The following SAFB variants were observed in gnomAD, a reference collection of about 807,000 sequenced individuals.
SAFB encodes scaffold attachment factor B1.
In SAFB, 15 loss-of-function variants were observed where a neutral mutation model predicts 101.6. The ratio of observed to expected loss-of-function variants is 0.15; its 90% CI spans 0.10 to 0.23. The LOEUF (loss-of-function observed/expected upper bound fraction) is 0.23. Ranked by LOEUF, SAFB falls within the 10% of genes least tolerant of loss-of-function variation. The pLI is 1.00. For synonymous variants in SAFB, 449 were observed against 407.5 expected (o/e 1.10, Z -1.23); for missense variants, 930 against 1,104.1 (o/e 0.84, Z 2.23).
intron 4 of SAFB, among the ~76,000 whole-genome samples, chr19:5,642,651 C>CTTTTT (rs767488519): frequency 0.014 from 969 of 70,864 alleles, 118 homozygotes; most frequent in Non-Finnish European, 0.017. Flanking sequence ...CCCTTCCTTT[C>CTTTTT]TTTTTTTTTT....
chr19:5,634,797 C>T lies in SAFB; in HGVS notation c.275-6797C>T, dbSNP rs186557265. ...TCCCTTGCTGGTAGTTGCAGAATAG[C>T]AAATTTTGAAATGACATAAGATTTT... On this transcript the variant is annotated intron_variant, in intron 2 of 20. Coordinates refer to ENST00000588852, the MANE Select transcript of SAFB (RefSeq NM_001201338.2). Among the ~76,000 whole-genome samples, 5 of 152,196 alleles carry T rather than the reference C, an allele frequency of 3.3e-5. No homozygotes were observed. In the East Asian group the frequency reaches 9.6e-4, roughly 29 times the overall value.
intron 2 of SAFB, among the ~76,000 whole-genome samples, chr19:5,637,155 T>C (rs913614311): frequency 5.3e-5 from 8 of 150,462 alleles, no homozygotes; most frequent in Admixed American, 4.6e-4. Flanking sequence ...CCATCCTGGC[T>C]AACACGGTGA....
At chr19:5,658,833 A>G (rs1380237190) in intron 14 of SAFB, among the ~76,000 whole-genome samples, 1 of 115,132 alleles carries the variant, frequency 8.7e-6, no homozygotes, top group Non-Finnish European at 1.7e-5. Context: ...ACAGAGCAAG[A>G]CTCCATCTCA....
At chr19:5,641,480 T>C in intron 2 of SAFB, 114 bp from the exon 3 acceptor site, 1 of 812,078 alleles carries the variant, frequency 1.2e-6, no homozygotes, top group Non-Finnish European at 2.1e-6. Flanking sequence ...TGTTCCTAAG[T>C]AGTGAGGTGT....
intron 9 of SAFB, among the ~76,000 whole-genome samples, chr19:5,652,384 G>T (rs1009013552): frequency 6.6e-6 from 1 of 152,110 alleles, no homozygotes; most frequent in African/African-American, 2.4e-5. Context: ...TGTTGCCCTG[G>T]AGACTGTAGT....
chr19:5,649,866 T>C, intron 7 of SAFB, 60 bp from the exon 8 acceptor site: 2 of 1,493,170 alleles, frequency 1.3e-6, no homozygotes, highest in East Asian at 4.5e-5. Context: ...AATTTTATGG[T>C]TTTGAGTTTG....
intron 15 of SAFB, 77 bp downstream of exon 15, chr19:5,661,885 A>AT (rs35301279): frequency 0.098 from 81,121 of 824,154 alleles, 532 homozygotes; most frequent in South Asian, 0.13. Flanking sequence ...TTAGCTTGAG[A>AT]TTTTTTTTTT....
At chr19:5,633,453 T>A (rs1599323780) in intron 2 of SAFB, among the ~76,000 whole-genome samples, 1 of 152,278 alleles carries the variant, frequency 6.6e-6, no homozygotes, top group African/African-American at 2.4e-5. Flanking sequence ...TTCTTCCAGG[T>A]GCCCTGGGCC....
At chr19:5,632,337 C>T (rs1462971534) in intron 2 of SAFB, among the ~76,000 whole-genome samples, 1 of 152,128 alleles carries the variant, frequency 6.6e-6, no homozygotes, top group African/African-American at 2.4e-5. Context: ...TTGCCTTGTC[C>T]TTTTCTCTCC....
chr19:5,639,688 G>A (rs765577740), intron 2 of SAFB, among the ~76,000 whole-genome samples: 78 of 134,238 alleles, frequency 5.8e-4, no homozygotes, highest in Non-Finnish European at 9.8e-4. Context: ...GCAAGACTCC[G>A]TCCCAAAAAA....
chr19:5,648,830 T>C lies in SAFB; in HGVS notation c.638-159T>C, dbSNP rs184824497. The C allele has an allele frequency of 1.1e-3, 653 of 576,198 alleles. 3 individuals are homozygous for C. The highest frequency in any genetic ancestry group is 1.6e-4 in the Non-Finnish European group (51 of 314,162). 35.7% of individuals were successfully genotyped at this position (576,198 alleles called of 1,614,324 possible). A position where few individuals can be genotyped will look rare whatever the true frequency, so the allele number is the denominator to read the frequency against. ...AGAGGCGGTCGCGGCGCAGGTAGTG[T>C]AACCAGTATAACTTTGTGTACCCGC... On this transcript the variant is annotated intron_variant, in intron 6 of 20. Transcript: ENST00000588852.
intron 14 of SAFB, among the ~76,000 whole-genome samples, chr19:5,660,293 T>C (rs559733447): frequency 6.6e-6 from 1 of 150,844 alleles, no homozygotes; most frequent in East Asian, 1.9e-4. Context: ...CAGTAGTTGG[T>C]ATACTGCACT....
At chr19:5,649,804 G>T (rs1216481867) in intron 7 of SAFB, 122 bp from the exon 8 acceptor site, 5 of 908,202 alleles carry the variant, frequency 5.5e-6, no homozygotes, top group Non-Finnish European at 8.8e-6. Flanking sequence ...AAGTTTGTCG[G>T]GGTATCATTT....
At chr19:5,666,832 G>C in intron 17 of SAFB, 1 of 646,360 alleles carries the variant, frequency 1.5e-6, no homozygotes, top group Middle Eastern at 4.4e-4. Flanking sequence ...CTTGGTACTA[G>C]TACCTTTTTT....
rs2054084046 is a variant in SAFB at position 5,657,264 on chromosome 19, A to G, written c.1779A>G (p.Lys593=). The stretch of plus-strand genomic sequence containing the variant: ...AGGCTTCCAAAAGCCAGGATCGCAA[A>G]TCAGCCAGCAGAGAGAAGCGGTCCG... ...KERASKSQDR[K]SASREKRSVV... The change falls in exon 14 of 21, where the codon AAA becomes AAG. Residue 593 remains lysine, a synonymous_variant. Coordinates refer to ENST00000588852, the MANE Select transcript of SAFB (RefSeq NM_001201338.2). The G allele has an allele frequency of 6.2e-7, 1 of 1,613,936 alleles. No individual in the cohort carries two copies. The highest frequency in any genetic ancestry group is 1.3e-5 in the African/African-American group (1 of 74,922).
In SAFB at chr19:5,644,896, A is replaced by T. The variant is rs145943037; in HGVS notation, c.547-441A>T. 2.0e-3 allele frequency among the ~76,000 whole-genome samples: 303 copies of T among 152,136 alleles called. 2 individuals carry two copies. The highest frequency in any genetic ancestry group is 7.0e-3 in the African/African-American group (290 of 41,514). ...TGCTGTTCCATTGAGGGAGGTACCT[A>T]CCCCAGGGGCAGCAGGTCCCACATC... On this transcript the variant is annotated intron_variant, in intron 4 of 20. Transcript: ENST00000588852.
chr19:5,645,560 A>G (rs947337706), intron 5 of SAFB, among the ~76,000 whole-genome samples, 161 bp downstream of exon 5: 21 of 152,296 alleles, frequency 1.4e-4, no homozygotes, highest in Admixed American at 6.5e-4. Context: ...CTTTCCTCCA[A>G]ATATAATGTA....
At chr19:5,664,294 C>A in intron 16 of SAFB, 103 bp from the exon 17 acceptor site, 2 of 1,441,578 alleles carry the variant, frequency 1.4e-6, no homozygotes, top group Non-Finnish European at 1.9e-6. Context: ...GGTCTCCTGC[C>A]TTCAGTTAGG....
chr19:5,623,356 A>C lies in SAFB; in HGVS notation c.151A>C (p.Ser51Arg). The C allele has an allele frequency of 6.2e-7, 1 of 1,613,920 alleles. No individual in the cohort carries two copies. The highest frequency in any genetic ancestry group is 8.5e-7 in the Non-Finnish European group (1 of 1,179,862). The change falls in exon 1 of 21, where the codon AGC becomes CGC. Residue 51 changes from serine to arginine, a missense_variant. Coordinates refer to ENST00000588852, the MANE Select transcript of SAFB (RefSeq NM_001201338.2). ...AELRKRNVDS[S>R]GNKSVLMERL... ...GCTGAGGAAACGGAATGTGGACTCGAGCGGCAACAAGAGCGTTTTGATGGA... is the reference window on the plus strand; with the variant it reads ...GCTGAGGAAACGGAATGTGGACTCGCGCGGCAACAAGAGCGTTTTGATGGA...
Sources: gnomAD v4.1 joint callset for allele counts (sites outside exome capture counted in the v4.1 genomes callset) on GRCh38, gnomAD v4.1.1 for gene constraint, MANE v1.5 for transcripts, NCBI Gene and HGNC (gene_info 2026-07-23, HGNC 2026-07-21) for gene names.